The following CUL5 variants were observed in gnomAD, a reference collection of about 807,000 sequenced individuals.
The protein encoded by CUL5 is cullin 5, also known as cullin-5.
Under a neutral mutation model 108.8 loss-of-function variants are expected in CUL5, and 26 were observed. The observed-to-expected ratio is 0.24, with a 90% CI of 0.18 to 0.33. The LOEUF is 0.33. CUL5 is among the 10% of genes least tolerant of loss of function. CUL5 has a pLI of 1.00. For synonymous variants in CUL5, 334 were observed against 298.0 expected, an observed-to-expected ratio of 1.12 and a Z score of -1.25; for missense variants, 524 against 909.2, an observed-to-expected ratio of 0.58 and a Z score of 5.45.
intron 2 of CUL5, among the ~76,000 whole-genome samples, chr11:108,042,379 A>G (rs1862947574): frequency 6.6e-6 from 1 of 151,604 alleles, no homozygotes; most frequent in Non-Finnish European, 1.5e-5. Flanking sequence ...TCACCACACC[A>G]GGCTAATTTT....
intron 5 of CUL5, among the ~76,000 whole-genome samples, chr11:108,054,142 A>T (rs1863312353): frequency 6.6e-6 from 1 of 152,136 alleles, no homozygotes; most frequent in Admixed American, 6.5e-5. Context: ...CATTGTGTGC[A>T]GGCTTAATTT....
At chr11:108,091,695 T>TCACTCACACACA (rs376496161) in intron 13 of CUL5, among the ~76,000 whole-genome samples, 9 of 138,098 alleles carry the variant, frequency 6.5e-5, no homozygotes, top group Non-Finnish European at 1.1e-4. Flanking sequence ...TCTCTCTCAC[T>TCACTCACACACA]CACACACACA....
chr11:108,082,414 A>G (rs1266427922), intron 11 of CUL5, among the ~76,000 whole-genome samples: 2 of 151,510 alleles, frequency 1.3e-5, no homozygotes, highest in Non-Finnish European at 2.9e-5. Flanking sequence ...CTGAGTAGCT[A>G]GGACCACAGG....
At chr11:108,061,841 T>A (rs1863543672) in intron 7 of CUL5, among the ~76,000 whole-genome samples, 1 of 152,016 alleles carries the variant, frequency 6.6e-6, no homozygotes, top group Non-Finnish European at 1.5e-5. Flanking sequence ...TCAGGAAACT[T>A]AAAATCATGG....
At chr11:108,083,911 C>T (rs1440437133) in intron 11 of CUL5, among the ~76,000 whole-genome samples, 2 of 152,196 alleles carry the variant, frequency 1.3e-5, no homozygotes, top group Non-Finnish European at 2.9e-5. Flanking sequence ...GGGCTGCATG[C>T]GGCCCAGGAC....
At chr11:108,064,846 C>A (rs1863634127) in intron 7 of CUL5, among the ~76,000 whole-genome samples, 1 of 152,056 alleles carries the variant, frequency 6.6e-6, no homozygotes, top group South Asian at 2.1e-4. Flanking sequence ...GGTATTAGGG[C>A]AATACTGGCC....
At chr11:108,083,973 T>C (rs768545028) in intron 11 of CUL5, among the ~76,000 whole-genome samples, 1 of 152,196 alleles carries the variant, frequency 6.6e-6, no homozygotes, top group Non-Finnish European at 1.5e-5. Context: ...TAAAACATTA[T>C]GAGATTTTTT....
chr11:108,030,142 A>G (rs1862543059), intron 1 of CUL5, among the ~76,000 whole-genome samples: 1 of 152,252 alleles, frequency 6.6e-6, no homozygotes, highest in South Asian at 2.1e-4. Context: ...GAGGCCAGGC[A>G]TAAAGTTATT....
chr11:108,063,656 T>A (rs11212500), intron 7 of CUL5, among the ~76,000 whole-genome samples: 111,696 of 139,728 alleles, frequency 0.8, 41,984 homozygotes, highest in East Asian at 0.91. Context: ...TAATAAAATT[T>A]AAAAAAAATA....
At chr11:108,029,828 C>T (rs1862534287) in intron 1 of CUL5, among the ~76,000 whole-genome samples, 1 of 152,140 alleles carries the variant, frequency 6.6e-6, no homozygotes, top group South Asian at 2.1e-4. Context: ...CAGAGCCTAA[C>T]CAGTGTTTAA....
In CUL5 at chr11:108,072,416, G is replaced by C; in HGVS notation, c.959G>C (p.Ser320Thr). The change falls in exon 9 of 19, where the codon AGT becomes ACT. Residue 320 changes from serine to threonine, a missense_variant. Ser to Thr is a moderately conservative substitution (Grantham distance 58). Coordinates refer to ENST00000393094, the MANE Select transcript of CUL5 (RefSeq NM_003478.6). Reference sequence around the variant, plus strand: ...AAAGACTTGGAGGAACATATCATTAGTGCTGGCCTGGCAGATATGGTAGCA... The same window carrying C: ...AAAGACTTGGAGGAACATATCATTACTGCTGGCCTGGCAGATATGGTAGCA... ...MLKDLEEHII[S>T]AGLADMVAAA... 1 of 1,612,802 alleles carries C rather than the reference G, an allele frequency of 6.2e-7. No homozygotes were observed. The highest frequency in any genetic ancestry group is 8.5e-7 in the Non-Finnish European group (1 of 1,179,220).
intron 2 of CUL5, among the ~76,000 whole-genome samples, chr11:108,044,501 G>C (rs1484726692): frequency 9.0e-6 from 1 of 110,910 alleles, no homozygotes; most frequent in Non-Finnish European, 2.0e-5. Flanking sequence ...GAGTGAGACA[G>C]TGTCTCAAAA....
intron 7 of CUL5, among the ~76,000 whole-genome samples, chr11:108,058,499 C>T (rs184605359): frequency 0.016 from 2,355 of 151,528 alleles, 58 homozygotes; most frequent in African/African-American, 0.054. Context: ...CTGCCCGCGG[C>T]GGCCTCCCAA....
chr11:108,009,611 G>A (rs17107660), intron 1 of CUL5, among the ~76,000 whole-genome samples: 2,896 of 151,972 alleles, frequency 0.019, 192 homozygotes, highest in Admixed American at 0.12. Flanking sequence ...CTGAGCGCTG[G>A]CGAGGAGCGA....
intron 10 of CUL5, among the ~76,000 whole-genome samples, chr11:108,076,275 C>G (rs1007180863): frequency 2.0e-5 from 3 of 152,116 alleles, no homozygotes; most frequent in African/African-American, 7.2e-5. Context: ...CTCAAGCGAT[C>G]CATCCACCAC....
intron 3 of CUL5, among the ~76,000 whole-genome samples, chr11:108,047,963 G>A (rs966124062): frequency 6.6e-6 from 1 of 152,102 alleles, no homozygotes; most frequent in Non-Finnish European, 1.5e-5. Context: ...GGGTTTCACG[G>A]TAACATGACT....
chr11:108,071,689 G>A (rs1863826878), intron 8 of CUL5, among the ~76,000 whole-genome samples: 1 of 152,022 alleles, frequency 6.6e-6, no homozygotes, highest in African/African-American at 2.4e-5. Context: ...TGGGACCAAA[G>A]ACATGCACCA....
chr11:108,060,761 C>T (rs1004362457), intron 7 of CUL5, among the ~76,000 whole-genome samples: 1 of 151,720 alleles, frequency 6.6e-6, no homozygotes, highest in Non-Finnish European at 1.5e-5. Context: ...CGCTTGAACC[C>T]GGGAGGCGGA....
At chr11:108,060,414 C>T (rs976557098) in intron 7 of CUL5, among the ~76,000 whole-genome samples, 4 of 152,098 alleles carry the variant, frequency 2.6e-5, no homozygotes, top group East Asian at 3.9e-4. Context: ...TCAACTCTTA[C>T]GTTGTAGCTG....
Sources: allele counts gnomAD v4.1 joint callset (sites outside exome capture counted in the v4.1 genomes callset), GRCh38; gene constraint gnomAD v4.1.1; transcripts MANE v1.5; gene names NCBI Gene and HGNC (gene_info 2026-07-23, HGNC 2026-07-21).